The following GPR63 variants were observed in gnomAD, a reference collection of about 807,000 sequenced individuals.
GPR63 encodes G protein-coupled receptor 63.
A neutral mutation model predicts 23.1 loss-of-function variants in GPR63; 12 were observed. The ratio of observed to expected loss-of-function variants is 0.52; its 90% CI spans 0.33 to 0.84. GPR63 has a LOEUF of 0.84. GPR63 is among the 40% of genes least tolerant of loss of function. GPR63 has a pLI of 0.02. For synonymous variants in GPR63, 172 were observed against 191.1 expected (o/e 0.90, Z 0.82); for missense variants, 472 against 515.6 (o/e 0.92, Z 0.82).
chr6:96,812,960 ATGTT>A (rs1774079184), intron 1 of GPR63, among the ~76,000 whole-genome samples: 1 of 152,042 alleles, frequency 6.6e-6, no homozygotes, highest in African/African-American at 2.4e-5. Flanking sequence ...ATCTAACTGT[ATGTT>A]TGTATCCATT....
rs942336784 is a variant in GPR63, at chr6:96,794,719, A to C, written c.*3753T>G. The C allele has an allele frequency of 2.6e-5, 4 of 152,200 alleles. No homozygotes were observed. Among genetic ancestry groups the C allele is most frequent in the East Asian group, 3.8e-4 (2 of 5,200 alleles). 9.4% of individuals were successfully genotyped at this position (152,200 alleles called of 1,614,324 possible). On this transcript the variant is annotated 3_prime_UTR_variant, in exon 2 of 2. Coordinates refer to ENST00000229955, the MANE Select transcript of GPR63 (RefSeq NM_030784.4). Reference sequence around the variant, plus strand: ...ATTCTTCCGGGAATTACACACAATAAAGACAGCTCTCTATAAGAAAATAAA... The same window carrying C: ...ATTCTTCCGGGAATTACACACAATACAGACAGCTCTCTATAAGAAAATAAA...
chr6:96,797,896 G>A lies in GPR63; in HGVS notation c.*576C>T, dbSNP rs1426813454. 6.6e-6 allele frequency: 1 copy of A among 152,338 alleles called. No individual in the cohort carries two copies. The highest frequency in any genetic ancestry group is 2.4e-5 in the African/African-American group (1 of 41,430). The allele number at this position is 152,338 out of a possible 1,614,324, so 9.4% of individuals were successfully genotyped here. On this transcript the variant is annotated 3_prime_UTR_variant, in exon 2 of 2. Transcript: ENST00000229955. The stretch of plus-strand genomic sequence containing the variant: ...GCACATTTCCTAAAGCACATATCAT[G>A]TATAAAAACAATTCTGAAAAATAAG...
At chr6:96,819,919 T>C (rs1220163780) in intron 1 of GPR63, among the ~76,000 whole-genome samples, 1 of 137,666 alleles carries the variant, frequency 7.3e-6, no homozygotes. Flanking sequence ...GAGCTTGCAG[T>C]GAGCTGATAT....
At chr6:96,801,112 C>G (rs1426267725) in intron 1 of GPR63, among the ~76,000 whole-genome samples, 2 of 152,084 alleles carry the variant, frequency 1.3e-5, no homozygotes, top group African/African-American at 2.4e-5. Flanking sequence ...TGGCTAGATT[C>G]CTTTAATAAG....
intron 1 of GPR63, among the ~76,000 whole-genome samples, chr6:96,818,935 G>T (rs1774230033): frequency 6.6e-6 from 1 of 152,178 alleles, no homozygotes; most frequent in Non-Finnish European, 1.5e-5. Context: ...ATTATCACTG[G>T]TGATTAGAGA....
chr6:96,835,505 G>A (rs1774702467), intron 1 of GPR63, among the ~76,000 whole-genome samples: 1 of 152,040 alleles, frequency 6.6e-6, no homozygotes, highest in South Asian at 2.1e-4. Flanking sequence ...ATCTCAAGGT[G>A]CTCAAGTAAC....
rs1285859212 is a variant in GPR63, at chr6:96,797,522, TTTC to T, written c.*947_*949del. The T allele has an allele frequency of 2.0e-5, 3 of 152,182 alleles. No homozygotes were observed. Among genetic ancestry groups the T allele is most frequent in the Non-Finnish European group, 4.4e-5 (3 of 68,056 alleles). 9.4% of individuals were successfully genotyped at this position (152,182 alleles called of 1,614,324 possible). ...GGATTTTAGTCCCTCTGAGACCTGC[TTTC>T]TTCACCTGTAAAAATGAAAACAATA... On this transcript the variant is annotated 3_prime_UTR_variant, in exon 2 of 2. Transcript: ENST00000229955.
chr6:96,820,599 T>C (rs1774289858), intron 1 of GPR63, among the ~76,000 whole-genome samples: 1 of 152,154 alleles, frequency 6.6e-6, no homozygotes, highest in Non-Finnish European at 1.5e-5. Context: ...ATCAGTGTAA[T>C]TTTTTTAAAA....
intron 1 of GPR63, among the ~76,000 whole-genome samples, chr6:96,830,064 G>T (rs1774541440): frequency 6.6e-6 from 1 of 152,094 alleles, no homozygotes; most frequent in Admixed American, 6.6e-5. Flanking sequence ...AATATTTACA[G>T]TAGTAAAATT....
chr6:96,828,592 G>A (rs1774502040), intron 1 of GPR63, among the ~76,000 whole-genome samples: 1 of 148,422 alleles, frequency 6.7e-6, no homozygotes, highest in Non-Finnish European at 1.5e-5. Context: ...TAGGGGCAGA[G>A]GGTCAGTCTA....
intron 1 of GPR63, among the ~76,000 whole-genome samples, chr6:96,810,092 G>C (rs1774002986): frequency 6.6e-6 from 1 of 152,132 alleles, no homozygotes; most frequent in Admixed American, 6.5e-5. Flanking sequence ...ATATTGTCTA[G>C]AATTCTACGT....
At position 96,797,638 on chromosome 6, in the gene GPR63, T is replaced by A. The variant is rs370374034; in HGVS notation, c.*834A>T. On this transcript the variant is annotated 3_prime_UTR_variant, in exon 2 of 2. Coordinates refer to ENST00000229955, the MANE Select transcript of GPR63 (RefSeq NM_030784.4). The stretch of plus-strand genomic sequence containing the variant: ...CATAAATATCAACCCCTTCTCCCTA[T>A]ACTCCACAAAAACCCTTGAGTAAAA... 3 of 152,228 alleles carry A rather than the reference T, an allele frequency of 2.0e-5. No individual in the cohort carries two copies. The highest frequency in any genetic ancestry group is 4.4e-5 in the Non-Finnish European group (3 of 68,072). 9.4% of individuals were successfully genotyped at this position (152,228 alleles called of 1,614,324 possible). A position where few individuals can be genotyped will look rare whatever the true frequency, so the allele number is the denominator to read the frequency against.
In GPR63 at chr6:96,811,080, G is replaced by A. The variant is rs112060387; in HGVS notation, c.-150-11199C>T. 4.4e-3 allele frequency among the ~76,000 whole-genome samples: 666 copies of A among 152,212 alleles called. 13 individuals are homozygous for A. The highest frequency in any genetic ancestry group is 0.015 in the African/African-American group (642 of 41,520). The stretch of plus-strand genomic sequence containing the variant: ...CAGTCTGCAGATTCTGCAGGACCTG[G>A]GTTCAAGCTTCCCAGGGCTCCCAGC... On this transcript the variant is annotated intron_variant, in intron 1 of 1. Transcript: ENST00000229955.
At chr6:96,802,880 G>T (rs1245172609) in intron 1 of GPR63, among the ~76,000 whole-genome samples, 2 of 152,032 alleles carry the variant, frequency 1.3e-5, no homozygotes, top group Non-Finnish European at 2.9e-5. Context: ...TGAAGAAACT[G>T]AAACAATCCT....
intron 1 of GPR63, among the ~76,000 whole-genome samples, chr6:96,834,048 G>A (rs765336130): frequency 6.6e-6 from 1 of 152,058 alleles, no homozygotes; most frequent in Non-Finnish European, 1.5e-5. Context: ...TGTGTATTAA[G>A]CTAGAGTTTC....
chr6:96,795,149 T>C lies in GPR63; in HGVS notation c.*3323A>G, dbSNP rs1773550372. 1 of 152,224 alleles carries C rather than the reference T, an allele frequency of 6.6e-6. No individual in the cohort carries two copies. The highest frequency in any genetic ancestry group is 2.4e-5 in the African/African-American group (1 of 41,464). The allele number at this position is 152,224 out of a possible 1,614,324, so 9.4% of individuals were successfully genotyped here. A position where few individuals can be genotyped will look rare whatever the true frequency, so the allele number is the denominator to read the frequency against. On this transcript the variant is annotated 3_prime_UTR_variant, in exon 2 of 2. Coordinates refer to ENST00000229955, the MANE Select transcript of GPR63 (RefSeq NM_030784.4). ...GACCCTCTGGAGGCCCAGGAATCTGTACTGTTAACAAGCTCCCTTGGGGAT... is the reference window on the plus strand; with the variant it reads ...GACCCTCTGGAGGCCCAGGAATCTGCACTGTTAACAAGCTCCCTTGGGGAT...
intron 1 of GPR63, among the ~76,000 whole-genome samples, chr6:96,807,481 A>G (rs1433474448): frequency 6.6e-6 from 1 of 152,238 alleles, no homozygotes; most frequent in East Asian, 1.9e-4. Flanking sequence ...TTTTCTTAGA[A>G]TATATCCATA....
chr6:96,815,169 G>A (rs1774132681), intron 1 of GPR63, among the ~76,000 whole-genome samples: 1 of 152,126 alleles, frequency 6.6e-6, no homozygotes. Context: ...ATGCTTCCAG[G>A]AGCGAGATAA....
chr6:96,823,507 ATGT>A (rs1289320241), intron 1 of GPR63, among the ~76,000 whole-genome samples: 1 of 152,214 alleles, frequency 6.6e-6, no homozygotes, highest in East Asian at 1.9e-4. Flanking sequence ...ATGTTTTAAG[ATGT>A]TATTACAAAA....
Sources: gnomAD v4.1 joint callset for allele counts (sites outside exome capture counted in the v4.1 genomes callset) on GRCh38, gnomAD v4.1.1 for gene constraint, MANE v1.5 for transcripts, NCBI Gene and HGNC (gene_info 2026-07-23, HGNC 2026-07-21) for gene names.